Variants in PRKCD observed in about 807,000 individuals in gnomAD.
PRKCD encodes the protein protein kinase C delta.
PRKCD carries 20 observed loss-of-function variants against 82.2 expected under a neutral mutation model. That is an observed-to-expected ratio of 0.24 (90% CI 0.17 to 0.35). PRKCD has a LOEUF of 0.35. Ranked by LOEUF, PRKCD falls within the 10% of genes least tolerant of loss-of-function variation. PRKCD has a pLI of 1.00. For missense variants in PRKCD, 607 were observed against 899.0 expected (o/e 0.68, Z 4.15); for synonymous variants, 317 against 337.0 (o/e 0.94, Z 0.65).
At chr3:53,191,049 G>T (rs1315874692) in intron 18 of PRKCD, among the ~76,000 whole-genome samples, 1 of 152,166 alleles carries the variant, frequency 6.6e-6, no homozygotes, top group African/African-American at 2.4e-5. Context: ...GCCCAGGGCT[G>T]CTTTAATCTG....
rs1477447683 is a variant in PRKCD, at chr3:53,179,514, G to A, written c.116-63G>A. 18 of 1,600,244 alleles carry A rather than the reference G, an allele frequency of 1.1e-5. No individual in the cohort carries two copies. The Admixed American group carries it at 3.0e-4, about 27-fold the overall frequency. On this transcript the variant is annotated intron_variant, in intron 3 of 18. Coordinates refer to ENST00000330452, the MANE Select transcript of PRKCD (RefSeq NM_006254.4). ...CAGATTCTGCCAGGGGAAGGCCGTG[G>A]AGGTCTACGAGGGAGGGACAGAGGG... is the stretch of plus-strand genomic sequence containing the variant.
chr3:53,173,203 A>G (rs1313729313), intron 2 of PRKCD, among the ~76,000 whole-genome samples: 1 of 152,158 alleles, frequency 6.6e-6, no homozygotes, highest in Non-Finnish European at 1.5e-5. Flanking sequence ...ACACGTGTGG[A>G]TGTGCAGCAC....
In PRKCD at chr3:53,186,462, C is replaced by CA. The variant is rs1376044085; in HGVS notation, c.1260+122_1260+123insA. The CA allele has an allele frequency of 1.1e-4, 155 of 1,395,794 alleles. 1 individual carries two copies. Among genetic ancestry groups the CA allele is most frequent in the Middle Eastern group, 3.7e-4 (2 of 5,416 alleles). 86.5% of individuals were successfully genotyped at this position (1,395,794 alleles called of 1,614,324 possible). Reference sequence around the variant, plus strand: ...CTTAAGGCAGGGCCATGCTTTCCCCCCTCATGCCTCCCAGGGCAGAGTCGT... The same window carrying CA: ...CTTAAGGCAGGGCCATGCTTTCCCCCACTCATGCCTCCCAGGGCAGAGTCGT... On this transcript the variant is annotated intron_variant, in intron 13 of 18. Coordinates refer to ENST00000330452, the MANE Select transcript of PRKCD (RefSeq NM_006254.4).
rs1193519174 is a variant in PRKCD at position 53,161,441 on chromosome 3, C to T, written c.-132+13C>T. On this transcript the variant is annotated intron_variant, in intron 1 of 18. Transcript: ENST00000330452. Reference sequence around the variant, plus strand: ...CCTGCAACGGGAGGTAAGTGAGGGCCGGGTCCGGGCGCGGGATCGGGGCTA... The same window carrying T: ...CCTGCAACGGGAGGTAAGTGAGGGCTGGGTCCGGGCGCGGGATCGGGGCTA... 2.0e-5 allele frequency: 3 copies of T among 151,786 alleles called. No individual in the cohort carries two copies. The highest frequency in any genetic ancestry group is 4.4e-5 in the Non-Finnish European group (3 of 67,872). 9.4% of individuals were successfully genotyped at this position (151,786 alleles called of 1,614,324 possible).
intron 2 of PRKCD, among the ~76,000 whole-genome samples, chr3:53,175,052 G>A (rs1205208660): frequency 4.6e-5 from 7 of 152,186 alleles, no homozygotes; most frequent in African/African-American, 1.4e-4. Context: ...TGGTCCCCAC[G>A]CATACCTCCT....
chr3:53,175,271 C>T (rs554121941), intron 2 of PRKCD, among the ~76,000 whole-genome samples: 1 of 152,076 alleles, frequency 6.6e-6, no homozygotes, highest in East Asian at 1.9e-4. Context: ...GCTGGGCAGG[C>T]GGAATGGATG....
At chr3:53,185,484 G>A in intron 10 of PRKCD, 120 bp from the exon 11 acceptor site, 2 of 807,554 alleles carry the variant, frequency 2.5e-6, no homozygotes, top group East Asian at 2.4e-5. Context: ...GGCCTGGGCT[G>A]TGCCCCTGTT....
chr3:53,166,028 A>C (rs1263572128), intron 2 of PRKCD, among the ~76,000 whole-genome samples: 2 of 152,122 alleles, frequency 1.3e-5, no homozygotes, highest in Non-Finnish European at 2.9e-5. Context: ...TCGGAGTAAC[A>C]GTGGGGGGAT....
chr3:53,186,349 G>A lies in PRKCD; in HGVS notation c.1260+9G>A, dbSNP rs1553669088. The A allele has an allele frequency of 1.2e-6, 2 of 1,613,618 alleles. No individual in the cohort carries two copies. Among genetic ancestry groups the A allele is most frequent in the East Asian group, 2.2e-5 (1 of 44,876 alleles). On this transcript the variant is annotated intron_variant, in intron 13 of 18. Transcript: ENST00000330452. ...GCACCTTCCAGACCAAGGTGCCCGG[G>A]CCTCCTGCCGTCACCACCCCATGCC... is the stretch of plus-strand genomic sequence containing the variant.
At chr3:53,177,605 A>G (rs1703254785) in intron 2 of PRKCD, among the ~76,000 whole-genome samples, 1 of 152,234 alleles carries the variant, frequency 6.6e-6, no homozygotes, top group Admixed American at 6.5e-5. Context: ...TGCATGGGGC[A>G]GGATGGGAGA....
intron 13 of PRKCD, 129 bp downstream of exon 13, chr3:53,186,469 C>T: frequency 7.3e-7 from 1 of 1,371,340 alleles, no homozygotes; most frequent in Middle Eastern, 1.8e-4. Flanking sequence ...CCCCCTCATG[C>T]CTCCCAGGGC....
At chr3:53,189,355 TG>T in intron 17 of PRKCD, 109 bp downstream of exon 17, 1 of 1,196,312 alleles carries the variant, frequency 8.4e-7, no homozygotes, top group Non-Finnish European at 1.1e-6. Flanking sequence ...GCAGCCTCAG[TG>T]GTGCTGCAGT....
At chr3:53,183,070 T>A (rs1553668083) in intron 7 of PRKCD, 51 bp from the exon 8 acceptor site, 1 of 1,587,664 alleles carries the variant, frequency 6.3e-7, no homozygotes. Context: ...TCATAGACTC[T>A]GCCCCTCCCG....
chr3:53,186,298 G>A lies in PRKCD; in HGVS notation c.1218G>A (p.Glu406=). 6.2e-7 allele frequency: 1 copy of A among 1,614,172 alleles called. No homozygotes were observed. The highest frequency in any genetic ancestry group is 8.5e-7 in the Non-Finnish European group (1 of 1,180,006). ...VEKRVLTLAA[E]NPFLTHLICT... is the part of the protein sequence containing the mutation. The stretch of plus-strand genomic sequence containing the variant: ...AGCGGGTGCTGACACTTGCCGCAGA[G>A]AATCCCTTTCTCACCCACCTCATCT... The change falls in exon 13 of 19, where the codon GAG becomes GAA. Residue 406 remains glutamate (E), a synonymous_variant. Transcript: ENST00000330452.
chr3:53,180,139 T>C (rs1351744626), intron 4 of PRKCD, among the ~76,000 whole-genome samples: 1 of 152,248 alleles, frequency 6.6e-6, no homozygotes, highest in Non-Finnish European at 1.5e-5. Flanking sequence ...ACTTCCTTAT[T>C]GTGACTACTT....
chr3:53,172,335 C>T (rs1440258383), intron 2 of PRKCD, among the ~76,000 whole-genome samples: 2 of 152,116 alleles, frequency 1.3e-5, no homozygotes, highest in Non-Finnish European at 2.9e-5. Flanking sequence ...CTACCACCCA[C>T]CTGCCTACCC....
intron 2 of PRKCD, among the ~76,000 whole-genome samples, chr3:53,172,692 A>G (rs1190199802): frequency 2.0e-5 from 3 of 152,200 alleles, no homozygotes; most frequent in African/African-American, 2.4e-5. Flanking sequence ...AGACCGCCCT[A>G]TACCCACCAG....
At chr3:53,175,029 T>C (rs1680147248) in intron 2 of PRKCD, among the ~76,000 whole-genome samples, 1 of 152,180 alleles carries the variant, frequency 6.6e-6, no homozygotes, top group African/African-American at 2.4e-5. Flanking sequence ...CCACCCTCCA[T>C]GCAGTCCTGG....
rs147569297 is a variant in PRKCD at position 53,184,333 on chromosome 3, T to TCAA, written c.788-507_788-505dup. On this transcript the variant is annotated intron_variant, in intron 9 of 18. Coordinates refer to ENST00000330452, the MANE Select transcript of PRKCD (RefSeq NM_006254.4). The stretch of plus-strand genomic sequence containing the variant: ...CTGGGTGACAGAGTGAGACTCCGTC[T>TCAA]CAACAACAACAACAACAACAACAAC... 9.8e-4 allele frequency among the ~76,000 whole-genome samples: 141 copies of TCAA among 144,254 alleles called. 4 individuals are homozygous for TCAA. The South Asian group carries it at 0.015, about 16-fold the overall frequency. 94.6% of individuals were successfully genotyped at this position (144,254 alleles called of 152,430 possible).
Sources: gnomAD v4.1 joint callset for allele counts (sites outside exome capture counted in the v4.1 genomes callset) on GRCh38, gnomAD v4.1.1 for gene constraint, MANE v1.5 for transcripts, NCBI Gene and HGNC (gene_info 2026-07-23, HGNC 2026-07-21) for gene names.